Variants in CMIP observed in about 807,000 individuals in gnomAD.
The protein encoded by CMIP is C-Maf-inducing protein.
In CMIP, 13 loss-of-function variants were observed where a neutral mutation model predicts 97.3. That is an observed-to-expected ratio of 0.13 (90% confidence interval 0.09 to 0.21). CMIP has a LOEUF of 0.21. CMIP is among the 10% of genes least tolerant of loss of function. The probability of loss-of-function intolerance (pLI) is 1.00; values close to 1 mark genes in which losing one functional copy is unlikely to be tolerated. For synonymous variants in CMIP, 538 were observed against 436.3 expected (o/e 1.23, Z -2.91); for missense variants, 847 against 1,024.9 (o/e 0.83, Z 2.37).
At chr16:81,706,169 A>G (rs1908116231) in intron 19 of CMIP, among the ~76,000 whole-genome samples, 1 of 152,228 alleles carries the variant, frequency 6.6e-6, no homozygotes, top group Non-Finnish European at 1.5e-5. Flanking sequence ...CCTCAGGGAT[A>G]TTGAGCCCGG....
At chr16:81,640,167 G>A (rs148140161) in intron 3 of CMIP, among the ~76,000 whole-genome samples, 1,911 of 152,170 alleles carry the variant, frequency 0.013, 33 homozygotes, top group Non-Finnish European at 0.013. Flanking sequence ...CAGGTGTGCC[G>A]TTTCTGACGC....
chr16:81,564,659 G>A (rs948738502), intron 1 of CMIP, among the ~76,000 whole-genome samples: 14 of 152,244 alleles, frequency 9.2e-5, no homozygotes, highest in African/African-American at 2.4e-4. Flanking sequence ...GCAGTGGGTC[G>A]GGCTGCTCTG....
chr16:81,583,827 A>T (rs920944851), intron 1 of CMIP, among the ~76,000 whole-genome samples: 1 of 152,234 alleles, frequency 6.6e-6, no homozygotes, highest in Non-Finnish European at 1.5e-5. Context: ...TAGGCAAATC[A>T]GGGATATTCA....
intron 1 of CMIP, among the ~76,000 whole-genome samples, chr16:81,601,878 T>TG (rs2091664151): frequency 1.3e-5 from 2 of 152,334 alleles, no homozygotes; most frequent in Admixed American, 1.3e-4. Flanking sequence ...CACATGGCCC[T>TG]GTCAAGCTGG....
At chr16:81,634,678 T>G (rs780831105) in intron 3 of CMIP, among the ~76,000 whole-genome samples, 1 of 152,180 alleles carries the variant, frequency 6.6e-6, no homozygotes, top group East Asian at 1.9e-4. Flanking sequence ...TTACCTGGCT[T>G]GAAACTCACA....
Position 81,620,930 on chromosome 16 carries a change from A to C in CMIP, c.477+4A>C. Reference sequence around the variant, plus strand: ...GTTCCATTCTCTGCAATGGAAGGTAAGTACTGACTCGGTTGCTTGTTTAAA... The same window carrying C: ...GTTCCATTCTCTGCAATGGAAGGTACGTACTGACTCGGTTGCTTGTTTAAA... On this transcript the variant is annotated splice_donor_region_variant and intron_variant, in intron 3 of 20. Coordinates refer to ENST00000537098, the MANE Select transcript of CMIP (RefSeq NM_198390.3). 1 of 1,613,912 alleles carries C rather than the reference A, an allele frequency of 6.2e-7. No individual in the cohort carries two copies. The highest frequency in any genetic ancestry group is 2.2e-5 in the East Asian group (1 of 44,874).
intron 1 of CMIP, among the ~76,000 whole-genome samples, chr16:81,525,998 GTGTGTGTGTC>G (rs1324078496): frequency 3.0e-5 from 1 of 32,916 alleles, no homozygotes; most frequent in Non-Finnish European, 6.4e-5. Context: ...GTGTGTGTGT[GTGTGTGTGTC>G]TGTGTGTGTG....
chr16:81,585,267 A>C (rs1458615084), intron 1 of CMIP, among the ~76,000 whole-genome samples: 4 of 152,238 alleles, frequency 2.6e-5, no homozygotes, highest in Non-Finnish European at 5.9e-5. Flanking sequence ...GTTTGAACTC[A>C]GGAGTTGAGG....
Position 81,706,494 on chromosome 16 carries a change from G to T in CMIP, c.2198-520G>T, listed in dbSNP as rs58323048. Among the ~76,000 whole-genome samples the T allele has an allele frequency of 6.6e-3, 1,002 of 152,350 alleles. 6 individuals carry two copies. Among genetic ancestry groups the T allele is most frequent in the African/African-American group, 0.023 (948 of 41,576 alleles). Reference sequence around the variant, plus strand: ...CGCTGCTTCCACTGGAGTCCCCCGGGGGGGCGCGGTCCTCATCAACAGCAC... The same window carrying T: ...CGCTGCTTCCACTGGAGTCCCCCGGTGGGGCGCGGTCCTCATCAACAGCAC... On this transcript the variant is annotated intron_variant, in intron 19 of 20. Coordinates refer to ENST00000537098, the MANE Select transcript of CMIP (RefSeq NM_198390.3).
intron 15 of CMIP, among the ~76,000 whole-genome samples, chr16:81,700,906 A>G (rs984522281): frequency 6.6e-6 from 1 of 152,098 alleles, no homozygotes. Flanking sequence ...TTCGGAGGCC[A>G]TGGGGGAGGG....
At position 81,476,478 on chromosome 16, in the gene CMIP, G is replaced by A. The variant is rs964752130; in HGVS notation, c.300+30937G>A. On this transcript the variant is annotated intron_variant, in intron 1 of 20. Coordinates refer to ENST00000537098, the MANE Select transcript of CMIP (RefSeq NM_198390.3). Reference sequence around the variant, plus strand: ...CGAAGGAGATGCGGCCCAAGGGCTCGCCGTTGACAGCGATGTCAGAGAACA... The same window carrying A: ...CGAAGGAGATGCGGCCCAAGGGCTCACCGTTGACAGCGATGTCAGAGAACA... 2.1e-5 allele frequency: 16 copies of A among 757,904 alleles called. No individual in the cohort carries two copies. The African/African-American group carries it at 2.4e-4, about 11-fold the overall frequency. 46.9% of individuals were successfully genotyped at this position (757,904 alleles called of 1,614,324 possible).
intron 3 of CMIP, chr16:81,651,323 G>A (rs981788989): frequency 2.2e-4 from 125 of 567,684 alleles, no homozygotes; most frequent in East Asian, 1.1e-3. Context: ...GAGGGCCTCC[G>A]TTTCCATGAT....
chr16:81,452,190 A>G (rs1374080505), intron 1 of CMIP, among the ~76,000 whole-genome samples: 1 of 152,210 alleles, frequency 6.6e-6, no homozygotes, highest in Non-Finnish European at 1.5e-5. Context: ...CGGCAGACCC[A>G]GTGGAGTAGG....
Position 81,696,766 on chromosome 16 carries a change from C to G in CMIP, c.1638+99C>G, listed in dbSNP as rs549389845. On this transcript the variant is annotated intron_variant, in intron 14 of 20. Coordinates refer to ENST00000537098, the MANE Select transcript of CMIP (RefSeq NM_198390.3). ...GTCCCCCATCCCCTGGGGCCAGCCC[C>G]GGAGTTTCCCGGCTAACACAGTGCT... 8.1e-6 allele frequency: 9 copies of G among 1,116,156 alleles called. No homozygotes were observed. In the Admixed American group the frequency reaches 1.1e-4, roughly 14 times the overall value. The allele number at this position is 1,116,156 out of a possible 1,614,324, so 69.1% of individuals were successfully genotyped here.
At chr16:81,479,595 T>C (rs919231094) in intron 1 of CMIP, among the ~76,000 whole-genome samples, 4 of 152,208 alleles carry the variant, frequency 2.6e-5, no homozygotes, top group Admixed American at 6.5e-5. Flanking sequence ...TGGGTTAATA[T>C]AGGATTTGTC....
chr16:81,618,111 C>T (rs2091945159), intron 2 of CMIP, among the ~76,000 whole-genome samples: 1 of 152,222 alleles, frequency 6.6e-6, no homozygotes. Flanking sequence ...CCTATTGCTG[C>T]TGTGACTGCT....
At chr16:81,646,757 C>G (rs142146301) in intron 3 of CMIP, among the ~76,000 whole-genome samples, 3 of 152,266 alleles carry the variant, frequency 2.0e-5, no homozygotes, top group Middle Eastern at 3.4e-3. Flanking sequence ...GCTTCTTTCC[C>G]TTAGTGTAGT....
At chr16:81,449,854 C>T (rs1266431290) in intron 1 of CMIP, among the ~76,000 whole-genome samples, 1 of 152,224 alleles carries the variant, frequency 6.6e-6, no homozygotes, top group African/African-American at 2.4e-5. Flanking sequence ...TAAGTAAGTG[C>T]ATTTTAAGGA....
intron 13 of CMIP, among the ~76,000 whole-genome samples, chr16:81,695,028 G>A (rs1906545146): frequency 6.6e-6 from 1 of 152,196 alleles, no homozygotes; most frequent in South Asian, 2.1e-4. Context: ...CTTTGACGCT[G>A]GGAGAACAAA....
Sources: gnomAD v4.1 joint callset for allele counts (sites outside exome capture counted in the v4.1 genomes callset) on GRCh38, gnomAD v4.1.1 for gene constraint, MANE v1.5 for transcripts, NCBI Gene and HGNC (gene_info 2026-07-23, HGNC 2026-07-21) for gene names.